RRBP1: variants seen among roughly 807,000 people sequenced by gnomAD.
The protein encoded by RRBP1 is ribosome-binding protein 1.
In RRBP1, 94 loss-of-function variants were observed where a neutral mutation model predicts 165.2. That is an observed-to-expected ratio of 0.57 (90% CI 0.48 to 0.68). The LOEUF is 0.68. Ranked by LOEUF, RRBP1 falls within the 30% of genes least tolerant of loss-of-function variation. The pLI is 0.00. For missense variants in RRBP1, 1,676 were observed against 1,763.0 expected, an observed-to-expected ratio of 0.95 and a Z score of 0.88; for synonymous variants, 680 against 714.5, an observed-to-expected ratio of 0.95 and a Z score of 0.77.
intron 3 of RRBP1, among the ~76,000 whole-genome samples, chr20:17,647,849 A>C (rs1393046774): frequency 2.0e-5 from 3 of 152,220 alleles, no homozygotes; most frequent in Admixed American, 2.0e-4. Flanking sequence ...GGGTGACTCC[A>C]GACAGTGCAG....
At chr20:17,632,163 TG>T (rs1463892478) in intron 8 of RRBP1, among the ~76,000 whole-genome samples, 15 of 152,202 alleles carry the variant, frequency 9.9e-5, no homozygotes, top group Admixed American at 6.5e-5. Flanking sequence ...AAGGCCTCAC[TG>T]TCAATCACAG....
chr20:17,647,793 G>A (rs1441369844), intron 3 of RRBP1, among the ~76,000 whole-genome samples: 1 of 152,240 alleles, frequency 6.6e-6, no homozygotes, highest in Non-Finnish European at 1.5e-5. Flanking sequence ...GCCTCCCTCA[G>A]ACACACACAT....
At chr20:17,620,929 G>T in intron 16 of RRBP1, 122 bp from the exon 17 acceptor site, 2 of 705,560 alleles carry the variant, frequency 2.8e-6, no homozygotes, top group Admixed American at 2.6e-5. Flanking sequence ...CTTCATGAGC[G>T]CCAGCGTTAG....
Position 17,636,722 on chromosome 20 carries a change from G to A in RRBP1, c.2192C>T (p.Ala731Val), listed in dbSNP as rs762565161. The A allele has an allele frequency of 9.3e-6, 15 of 1,612,720 alleles. No individual in the cohort carries two copies. The Admixed American group carries it at 2.5e-4, about 27-fold the overall frequency. ...SKLRELNKEM[A>V]AEKAKAAAGE... The stretch of plus-strand genomic sequence containing the variant: ...GGCTGCTGCTTTGGCCTTTTCTGCT[G>A]CCATCTCCTGGGGGGAAAGTAGCAG... The change falls in exon 6 of 25, where the codon GCA becomes GTA. Residue 731 changes from alanine to valine, a missense_variant. Physicochemically the swap from Ala to Val is moderately conservative, Grantham distance 64. This residue lies in a region of RRBP1 where 1,184 missense variants were observed against 1,167.1 expected (regional missense o/e 1.01). Coordinates refer to ENST00000377813, the MANE Select transcript of RRBP1 (RefSeq NM_001365613.2).
chr20:17,627,476 T>A, intron 10 of RRBP1, 28 bp downstream of exon 10: 1 of 1,605,246 alleles, frequency 6.2e-7, no homozygotes, highest in Non-Finnish European at 8.5e-7. Flanking sequence ...TTCCCTTTCC[T>A]CCCCGTGGCC....
At chr20:17,677,556 G>A (rs963667706) in intron 2 of RRBP1, among the ~76,000 whole-genome samples, 11 of 152,100 alleles carry the variant, frequency 7.2e-5, no homozygotes, top group Non-Finnish European at 1.6e-4. Context: ...AAGTTATATG[G>A]AGGCCGGGCA....
intron 20 of RRBP1, among the ~76,000 whole-genome samples, chr20:17,617,752 G>C (rs539660347): frequency 6.6e-6 from 1 of 152,226 alleles, no homozygotes; most frequent in African/African-American, 2.4e-5. Context: ...AGGGTGTTGG[G>C]AGCGTGTGCC....
intron 8 of RRBP1, among the ~76,000 whole-genome samples, 187 bp downstream of exon 8, chr20:17,633,273 G>A (rs970045864): frequency 6.6e-6 from 1 of 152,248 alleles, no homozygotes; most frequent in African/African-American, 2.4e-5. Flanking sequence ...GATGCCAGCT[G>A]TAACTACTAC....
intron 7 of RRBP1, 63 bp from the exon 8 acceptor site, chr20:17,633,676 C>A: frequency 6.4e-7 from 1 of 1,560,286 alleles, no homozygotes; most frequent in South Asian, 1.2e-5. Context: ...GTGGTCCAAG[C>A]CCTCCCTCCA....
At chr20:17,637,545 G>A (rs1470257479) in intron 5 of RRBP1, among the ~76,000 whole-genome samples, 2 of 152,182 alleles carry the variant, frequency 1.3e-5, no homozygotes, top group Non-Finnish European at 2.9e-5. Flanking sequence ...GAGTGACCAG[G>A]GCACAAGCGT....
At chr20:17,669,958 C>T (rs1241113644) in intron 2 of RRBP1, among the ~76,000 whole-genome samples, 1 of 152,198 alleles carries the variant, frequency 6.6e-6, no homozygotes, top group African/African-American at 2.4e-5. Flanking sequence ...GCAGGACCTT[C>T]AACACAGTGC....
At chr20:17,662,515 A>C (rs1213019392) in intron 2 of RRBP1, among the ~76,000 whole-genome samples, 1 of 152,108 alleles carries the variant, frequency 6.6e-6, no homozygotes, top group East Asian at 1.9e-4. Flanking sequence ...GTCTTAGGGG[A>C]GCTCATGGAG....
chr20:17,619,585 C>A (rs764017736), intron 19 of RRBP1, 48 bp downstream of exon 19: 1 of 1,379,036 alleles, frequency 7.3e-7, no homozygotes, highest in East Asian at 2.4e-5. Flanking sequence ...TCAGGGAGGA[C>A]CGCAGATCTG....
rs778368432 is a variant in RRBP1, at chr20:17,658,638, G to C, written c.1870C>G (p.Pro624Ala). 6.2e-7 allele frequency: 1 copy of C among 1,609,988 alleles called. No homozygotes were observed. The highest frequency in any genetic ancestry group is 8.5e-7 in the Non-Finnish European group (1 of 1,178,348). The change falls in exon 3 of 25, where the codon CCT (proline) becomes GCT (alanine). Residue 624 changes from proline (P) to alanine (A), a missense_variant. Around this residue, in one of 5 missense-constraint regions of RRBP1, gnomAD observed 1,184 missense variants for 1,167.1 expected, o/e 1.01. Transcript: ENST00000377813. ...QSPEAPKQEA[P>A]AKKKSGSKKK... ...TTTGAACCAGACTTCTTCTTGGCAG[G>C]AGCCTCTTGCTTTGGTGCCTCTGGG...
rs2035980053 is a variant in RRBP1 at position 17,624,590 on chromosome 20, G to A, written c.3133C>T (p.Leu1045=). 5.7e-6 allele frequency: 9 copies of A among 1,592,826 alleles called. No homozygotes were observed. The highest frequency in any genetic ancestry group is 7.7e-6 in the Non-Finnish European group (9 of 1,169,832). ...CGGGCTCTGACCTTGGCCTGGGTCA[G>A]GGAGAGCAGCTTCTCCTTGCAGGCC... ...EQACKEKLLS[L]TQAKEESEKQ... is the part of the protein sequence containing the mutation. Residue 1045 remains leucine, a synonymous_variant, in exon 13 of 25, where the codon CTG becomes TTG. Coordinates refer to ENST00000377813, the MANE Select transcript of RRBP1 (RefSeq NM_001365613.2).
intron 24 of RRBP1, 109 bp downstream of exon 24, chr20:17,614,628 G>A (rs958677660): frequency 2.1e-5 from 30 of 1,396,606 alleles, no homozygotes; most frequent in South Asian, 1.8e-4. Flanking sequence ...CCAGCCCAGC[G>A]CTCCCAGCAG....
rs555773173 is a variant in RRBP1, at chr20:17,623,789, G to A, written c.3147+787C>T. 7.9e-4 allele frequency among the ~76,000 whole-genome samples: 121 copies of A among 152,206 alleles called. No homozygotes were observed. The South Asian group carries it at 0.023, about 29-fold the overall frequency. ...TGTACAAAACATGCAAAACTTAGCCGGGCGTGGTGGTGCACGCCTGTAATC... is the reference window on the plus strand; with the variant it reads ...TGTACAAAACATGCAAAACTTAGCCAGGCGTGGTGGTGCACGCCTGTAATC... On this transcript the variant is annotated intron_variant, in intron 13 of 24. Coordinates refer to ENST00000377813, the MANE Select transcript of RRBP1 (RefSeq NM_001365613.2).
At position 17,624,972 on chromosome 20, in the gene RRBP1, C is replaced by T. The variant is rs193095143; in HGVS notation, c.3055-304G>A. Among the ~76,000 whole-genome samples the T allele has an allele frequency of 2.0e-3, 307 of 152,320 alleles. 1 individual carries two copies. The highest frequency in any genetic ancestry group is 3.0e-3 in the Non-Finnish European group (205 of 68,008). ...CCTGTGTCCTCAAAGGGAAGAGGTT[C>T]CTGCTACCAAATGGTTAGTGCTGAT... On this transcript the variant is annotated intron_variant, in intron 12 of 24. Coordinates refer to ENST00000377813, the MANE Select transcript of RRBP1 (RefSeq NM_001365613.2).
At chr20:17,617,486 CCA>C (rs1299341793) in intron 20 of RRBP1, among the ~76,000 whole-genome samples, 4 of 152,222 alleles carry the variant, frequency 2.6e-5, no homozygotes, top group Non-Finnish European at 1.5e-5. Flanking sequence ...CGTGGGAACC[CCA>C]GACATTCTTC....
Sources: gnomAD v4.1 joint callset for allele counts (sites outside exome capture counted in the v4.1 genomes callset) on GRCh38, gnomAD v4.1.1 for gene constraint, gnomAD v4.1.1 regional missense constraint, MANE v1.5 for transcripts, NCBI Gene and HGNC (gene_info 2026-07-23, HGNC 2026-07-21) for gene names.